The following GLI2 variants were observed in gnomAD, a reference collection of about 807,000 sequenced individuals.
GLI2 encodes transcription activator GLI2.
Under a neutral mutation model 78.9 loss-of-function variants are expected in GLI2, and 22 were observed. That is an observed-to-expected ratio of 0.28 (90% CI 0.20 to 0.40). GLI2 has a LOEUF of 0.40. Among genes scored for constraint, GLI2 ranks in the 10% least tolerant of loss-of-function variants. GLI2 has a pLI of 1.00. For synonymous variants in GLI2, 974 were observed against 963.7 expected, an observed-to-expected ratio of 1.01 and a Z score of -0.20; for missense variants, 2,097 against 2,213.2, an observed-to-expected ratio of 0.95 and a Z score of 1.05.
chr2:120,865,411 G>C (rs114345061), intron 2 of GLI2, among the ~76,000 whole-genome samples: 2,549 of 152,242 alleles, frequency 0.017, 84 homozygotes, highest in African/African-American at 0.057. Flanking sequence ...TTCTGGCAAG[G>C]GTCCCATCAG....
intron 3 of GLI2, among the ~76,000 whole-genome samples, chr2:120,950,182 G>T (rs899243159): frequency 1.3e-5 from 2 of 152,224 alleles, no homozygotes; most frequent in Admixed American, 6.5e-5. Flanking sequence ...GGAAACTGAG[G>T]CTCGGAGAGG....
At chr2:120,770,657 G>A (rs1683496039) in intron 1 of GLI2, among the ~76,000 whole-genome samples, 1 of 152,174 alleles carries the variant, frequency 6.6e-6, no homozygotes, top group Admixed American at 6.5e-5. Flanking sequence ...CTGAGGTCTT[G>A]GGCAAGGCAG....
intron 1 of GLI2, among the ~76,000 whole-genome samples, chr2:120,796,389 G>A (rs4848630): frequency 0.21 from 32,370 of 152,144 alleles, 7,835 homozygotes; most frequent in African/African-American, 0.6. Context: ...TCCGCACACA[G>A]CAATGGAGTG....
At position 120,979,654 on chromosome 2, in the gene GLI2, T is replaced by C. The variant is rs1175380762; in HGVS notation, c.1467+1071T>C. Among the ~76,000 whole-genome samples the C allele has an allele frequency of 1.6e-4, 24 of 152,230 alleles. 1 individual carries two copies. The highest frequency in any genetic ancestry group is 1.6e-3 in the Admixed American group (24 of 15,284). On this transcript the variant is annotated intron_variant, in intron 10 of 13. Transcript: ENST00000361492. ...GTGCAATTTAGTTGTTTTTAGTACA[T>C]TCACAGATTTGTACAACAATCACTA... is the stretch of plus-strand genomic sequence containing the variant.
chr2:120,894,754 A>G (rs1257894549), intron 2 of GLI2, among the ~76,000 whole-genome samples: 3 of 147,704 alleles, frequency 2.0e-5, no homozygotes, highest in East Asian at 4.0e-4. Context: ...GCTGGAGCGC[A>G]GTGGCGCGAT....
chr2:120,903,679 G>T (rs1678374098), intron 2 of GLI2, among the ~76,000 whole-genome samples: 1 of 152,202 alleles, frequency 6.6e-6, no homozygotes, highest in Non-Finnish European at 1.5e-5. Flanking sequence ...TGCAAGGTGG[G>T]TGAGTCTCTG....
chr2:120,812,008 C>G (rs1685267017), intron 2 of GLI2, among the ~76,000 whole-genome samples: 1 of 152,136 alleles, frequency 6.6e-6, no homozygotes, highest in Admixed American at 6.5e-5. Context: ...GGCAAGTACC[C>G]AAATCAATGA....
intron 2 of GLI2, among the ~76,000 whole-genome samples, chr2:120,904,968 CATTAAAGTTTATCGT>C (rs1252222533): frequency 6.6e-6 from 1 of 152,128 alleles, no homozygotes; most frequent in Non-Finnish European, 1.5e-5. Flanking sequence ...TTCCCTCAGC[CATTAAAGTTTATCGT>C]TGCCACGGAC....
intron 2 of GLI2, among the ~76,000 whole-genome samples, chr2:120,808,500 G>A (rs1342494790): frequency 6.6e-6 from 1 of 152,174 alleles, no homozygotes; most frequent in Non-Finnish European, 1.5e-5. Context: ...GAGAGAAGAG[G>A]GTCAGGGAGG....
At chr2:120,816,891 A>T (rs775201153) in intron 2 of GLI2, among the ~76,000 whole-genome samples, 9 of 152,226 alleles carry the variant, frequency 5.9e-5, no homozygotes, top group Non-Finnish European at 8.8e-5. Flanking sequence ...AAAACACGAC[A>T]TTATGGAATC....
intron 2 of GLI2, among the ~76,000 whole-genome samples, chr2:120,860,674 G>A (rs1687861297): frequency 6.6e-6 from 1 of 152,208 alleles, no homozygotes; most frequent in Non-Finnish European, 1.5e-5. Flanking sequence ...CCTGGGTGTA[G>A]CCTGTTTGCC....
In GLI2 at chr2:120,955,287, C is replaced by T; in HGVS notation, c.500C>T (p.Pro167Leu). 5 of 1,611,420 alleles carry T rather than the reference C, an allele frequency of 3.1e-6. No homozygotes were observed. The highest frequency in any genetic ancestry group is 3.4e-6 in the Non-Finnish European group (4 of 1,179,068). The change falls in exon 5 of 14, where the codon CCT becomes CTT. Residue 167 changes from proline to leucine, a missense_variant. Around this residue, in one of 5 missense-constraint regions of GLI2, gnomAD observed 578 missense variants for 612.0 expected, o/e 0.94. Coordinates refer to ENST00000361492, the MANE Select transcript of GLI2 (RefSeq NM_001374353.1). ...HLKERGLFGLPAPGTTPSDYY... is the reference protein window; with the variant it reads ...HLKERGLFGLLAPGTTPSDYY... ...AAGGAGAGGGGACTGTTTGGCCTTC[C>T]TGCTCCAGGCACCACCCCCTCAGAC...
At chr2:120,925,701 G>C (rs1416309946) in intron 2 of GLI2, among the ~76,000 whole-genome samples, 1 of 152,192 alleles carries the variant, frequency 6.6e-6, no homozygotes. Flanking sequence ...CAGAGTTTCA[G>C]TTGTGGAGAT....
chr2:120,989,128 G>A lies in GLI2; in HGVS notation c.3163G>A (p.Ala1055Thr). 6.2e-7 allele frequency: 1 copy of A among 1,613,002 alleles called. No homozygotes were observed. The highest frequency in any genetic ancestry group is 1.6e-4 in the Middle Eastern group (1 of 6,062). ...LPDDVVQYIK[A>T]HASGALDEGT... ...AGACGACGTGGTGCAGTACATCAAGGCGCACGCCAGTGGCGCTCTGGACGA... is the reference window on the plus strand; with the variant it reads ...AGACGACGTGGTGCAGTACATCAAGACGCACGCCAGTGGCGCTCTGGACGA... Residue 1055 changes from alanine to threonine, a missense_variant, in exon 14 of 14, where the codon GCG (alanine) becomes ACG (threonine). Ala to Thr is a moderately conservative substitution (Grantham distance 58). Around this residue, in one of 5 missense-constraint regions of GLI2, gnomAD observed 1,290 missense variants for 1,261.7 expected, o/e 1.02. Coordinates refer to ENST00000361492, the MANE Select transcript of GLI2 (RefSeq NM_001374353.1).
At chr2:120,864,535 G>A (rs188735370) in intron 2 of GLI2, among the ~76,000 whole-genome samples, 16 of 152,122 alleles carry the variant, frequency 1.1e-4, no homozygotes, top group Admixed American at 2.0e-4. Context: ...GCAGTGGCAC[G>A]ATCTCGGCTC....
At position 120,929,044 on chromosome 2, in the gene GLI2, C is replaced by T. The variant is rs540195743; in HGVS notation, c.254+1578C>T. The stretch of plus-strand genomic sequence containing the variant: ...CCTGTCTGGGACGGTTCCTTAGTCT[C>T]TTTTGTCTTTCATGACCTTGGCAGT... On this transcript the variant is annotated intron_variant, in intron 3 of 13. Coordinates refer to ENST00000361492, the MANE Select transcript of GLI2 (RefSeq NM_001374353.1). 2.6e-5 allele frequency among the ~76,000 whole-genome samples: 4 copies of T among 152,272 alleles called. No individual in the cohort carries two copies. The South Asian group carries it at 8.3e-4, about 32-fold the overall frequency.
intron 1 of GLI2, among the ~76,000 whole-genome samples, chr2:120,773,568 T>G (rs2104660420): frequency 6.6e-6 from 1 of 152,256 alleles, no homozygotes; most frequent in Admixed American, 6.5e-5. Context: ...GGGCATTGGT[T>G]GGTGCTGAAG....
chr2:120,955,760 G>C (rs1168052940), intron 5 of GLI2, among the ~76,000 whole-genome samples: 1 of 152,222 alleles, frequency 6.6e-6, no homozygotes, highest in Admixed American at 6.5e-5. Flanking sequence ...AACAAAGCAG[G>C]GGCGGGGGGA....
intron 2 of GLI2, among the ~76,000 whole-genome samples, chr2:120,837,393 C>CAA (rs768947767): frequency 0.017 from 1,299 of 76,636 alleles, 30 homozygotes; most frequent in African/African-American, 0.031. Flanking sequence ...GACTCCATCT[C>CAA]AAAAAAAAAA....
Sources: allele counts gnomAD v4.1 joint callset (sites outside exome capture counted in the v4.1 genomes callset), GRCh38; gene constraint gnomAD v4.1.1; regional missense constraint gnomAD v4.1.1; transcripts MANE v1.5; gene names NCBI Gene and HGNC (gene_info 2026-07-23, HGNC 2026-07-21).